Variants in PDGFRA observed in about 807,000 individuals in gnomAD.
The protein encoded by PDGFRA is platelet derived growth factor receptor alpha.
PDGFRA carries 25 observed loss-of-function variants against 121.5 expected under a neutral mutation model. That is an observed-to-expected ratio of 0.21 (90% confidence interval 0.15 to 0.29). The LOEUF (loss-of-function observed/expected upper bound fraction) is 0.29. Ranked by LOEUF, PDGFRA falls within the 10% of genes least tolerant of loss-of-function variation. The pLI is 1.00. For synonymous variants in PDGFRA, 463 were observed against 494.8 expected, an observed-to-expected ratio of 0.94 and a Z score of 0.85; for missense variants, 1,008 against 1,345.1, an observed-to-expected ratio of 0.75 and a Z score of 3.92.
rs34529347 is a variant in PDGFRA, at chr4:54,296,367, G to GTTTTTTTT, written c.*1104_*1111dup. The GTTTTTTTT allele has an allele frequency of 1.5e-5, 3 of 204,278 alleles. No individual in the cohort carries two copies. The highest frequency in any genetic ancestry group is 9.7e-6 in the Non-Finnish European group (1 of 103,046). The allele number at this position is 204,278 out of a possible 1,614,324, so 12.7% of individuals were successfully genotyped here. ...CAGCAAAAAGACTGGATTTGCAGAAGTTTTTTTTTTTTTTTTCTTCATGCC... is the reference window on the plus strand; with the variant it reads ...CAGCAAAAAGACTGGATTTGCAGAAGTTTTTTTTTTTTTTTTTTTTTTTTCTTCATGCC... On this transcript the variant is annotated 3_prime_UTR_variant, in exon 23 of 23. Coordinates refer to ENST00000257290, the MANE Select transcript of PDGFRA (RefSeq NM_006206.6).
At chr4:54,245,490 A>G (rs1426240271) in intron 1 of PDGFRA, among the ~76,000 whole-genome samples, 1 of 152,088 alleles carries the variant, frequency 6.6e-6, no homozygotes, top group Non-Finnish European at 1.5e-5. Flanking sequence ...GAGAAATAAA[A>G]TACTTTACAG....
chr4:54,281,015 T>C (rs140244364), intron 16 of PDGFRA, among the ~76,000 whole-genome samples: 111 of 152,366 alleles, frequency 7.3e-4, no homozygotes, highest in African/African-American at 2.6e-3. Context: ...CTAGAGTAGA[T>C]AATTTGCAGT....
Position 54,264,373 on chromosome 4 carries a change from G to A in PDGFRA, c.628+446G>A, listed in dbSNP as rs969198583. The A allele has an allele frequency of 1.0e-4, 26 of 253,778 alleles. No homozygotes were observed. In the Admixed American group the frequency reaches 1.3e-3, roughly 13 times the overall value. The allele number at this position is 253,778 out of a possible 1,614,324, so 15.7% of individuals were successfully genotyped here. On this transcript the variant is annotated intron_variant, in intron 4 of 22. Coordinates refer to ENST00000257290, the MANE Select transcript of PDGFRA (RefSeq NM_006206.6). The stretch of plus-strand genomic sequence containing the variant: ...TTGGGGAAGTATAATACATGCTGAG[G>A]TCAACAGATATTTCCTGAACACTAT...
Position 54,258,765 on chromosome 4 carries a change from A to T in PDGFRA, c.-4A>T, listed in dbSNP as rs1421749255. 1.3e-5 allele frequency: 21 copies of T among 1,611,072 alleles called. No individual in the cohort carries two copies. Among genetic ancestry groups the T allele is most frequent in the Non-Finnish European group, 1.7e-5 (20 of 1,177,386 alleles). On this transcript the variant is annotated 5_prime_UTR_variant, in exon 2 of 23. Coordinates refer to ENST00000257290, the MANE Select transcript of PDGFRA (RefSeq NM_006206.6). The stretch of plus-strand genomic sequence containing the variant: ...ACTTTTGACTTTTCTAGTTTCCCAG[A>T]GCTATGGGGACTTCCCATCCGGCGT...
At chr4:54,263,950 T>C in intron 4 of PDGFRA, 23 bp downstream of exon 4, 8 of 1,610,148 alleles carry the variant, frequency 5.0e-6, no homozygotes, top group Non-Finnish European at 6.8e-6. Context: ...TCTCCTTCCT[T>C]CTTTAAATAA....
intron 7 of PDGFRA, among the ~76,000 whole-genome samples, chr4:54,268,064 G>C (rs41279519): frequency 0.046 from 7,043 of 152,270 alleles, 228 homozygotes; most frequent in Non-Finnish European, 0.071. Context: ...TATATTCCCT[G>C]ATGTTCATCA....
At chr4:54,278,687 G>A in intron 15 of PDGFRA, 172 bp downstream of exon 15, 2 of 681,278 alleles carry the variant, frequency 2.9e-6, no homozygotes, top group Non-Finnish European at 5.3e-6. Flanking sequence ...GATGCATGAT[G>A]TCTAAAGGTG....
rs1048121554 is a variant in PDGFRA, at chr4:54,295,392, C to T, written c.*120C>T. ...CTTGGTTGATGTTTAAAGAGAAGTTCCCAGCCAAGGGCCTCGGGGAGCGTT... is the reference window on the plus strand; with the variant it reads ...CTTGGTTGATGTTTAAAGAGAAGTTTCCAGCCAAGGGCCTCGGGGAGCGTT... On this transcript the variant is annotated 3_prime_UTR_variant, in exon 23 of 23. Coordinates refer to ENST00000257290, the MANE Select transcript of PDGFRA (RefSeq NM_006206.6). The T allele has an allele frequency of 1.0e-6, 1 of 991,378 alleles. No homozygotes were observed. The highest frequency in any genetic ancestry group is 1.6e-6 in the Non-Finnish European group (1 of 635,788). 61.4% of individuals were successfully genotyped at this position (991,378 alleles called of 1,614,324 possible). A position where few individuals can be genotyped will look rare whatever the true frequency, so the allele number is the denominator to read the frequency against.
chr4:54,282,895 C>T (rs553075193), intron 16 of PDGFRA, among the ~76,000 whole-genome samples: 1 of 152,386 alleles, frequency 6.6e-6, no homozygotes, highest in Non-Finnish European at 1.5e-5. Flanking sequence ...ACAAGCCCCA[C>T]AGAAGTTCAG....
rs1560483946 is a variant in PDGFRA, at chr4:54,278,513, G to C, written c.2154G>C (p.Arg718=). 6.2e-7 allele frequency: 1 copy of C among 1,613,966 alleles called. No individual in the cohort carries two copies. Among genetic ancestry groups the C allele is most frequent in the East Asian group, 2.2e-5 (1 of 44,874 alleles). ...FGLNPADEST[R]SYVILSFENN... ...TGAACCCTGCTGATGAAAGCACACG[G>C]AGGTGGGTGCAAAGAGAGATGTTGC... The change falls in exon 15 of 23, where the codon CGG becomes CGC. Residue 718 remains arginine, a splice_region_variant and synonymous_variant. Coordinates refer to ENST00000257290, the MANE Select transcript of PDGFRA (RefSeq NM_006206.6).
At chr4:54,256,359 C>A (rs1453092895) in intron 1 of PDGFRA, among the ~76,000 whole-genome samples, 1 of 152,020 alleles carries the variant, frequency 6.6e-6, no homozygotes, top group Non-Finnish European at 1.5e-5. Flanking sequence ...TCTCAGCCTC[C>A]TGAGTAGCTG....
intron 8 of PDGFRA, 78 bp from the exon 9 acceptor site, chr4:54,272,316 A>G: frequency 6.6e-7 from 1 of 1,515,282 alleles, no homozygotes; most frequent in Non-Finnish European, 9.1e-7. Context: ...ATGAGTTGTG[A>G]ACTCATATTC....
chr4:54,251,282 T>A (rs563971369), intron 1 of PDGFRA, among the ~76,000 whole-genome samples: 145 of 152,314 alleles, frequency 9.5e-4, no homozygotes, highest in Non-Finnish European at 1.7e-3. Context: ...GCATATCCTT[T>A]CTGTTTTGCT....
At chr4:54,241,306 A>G (rs1721281592) in intron 1 of PDGFRA, among the ~76,000 whole-genome samples, 1 of 152,078 alleles carries the variant, frequency 6.6e-6, no homozygotes, top group Non-Finnish European at 1.5e-5. Context: ...TATTTTTGGT[A>G]AGGAATGTTA....
At position 54,277,622 on chromosome 4, in the gene PDGFRA, C is replaced by T; in HGVS notation, c.1891+130C>T. 5.4e-6 allele frequency: 4 copies of T among 739,750 alleles called. No homozygotes were observed. The South Asian group carries it at 5.9e-5, about 11-fold the overall frequency. 45.8% of individuals were successfully genotyped at this position (739,750 alleles called of 1,614,324 possible). A position where few individuals can be genotyped will look rare whatever the true frequency, so the allele number is the denominator to read the frequency against. Reference sequence around the variant, plus strand: ...GACTAGGTCCTGATTATTTTGACTCCAGGTTTTATGTGTATTTAGATTAGG... The same window carrying T: ...GACTAGGTCCTGATTATTTTGACTCTAGGTTTTATGTGTATTTAGATTAGG... On this transcript the variant is annotated intron_variant, in intron 13 of 22. Transcript: ENST00000257290.
At chr4:54,276,213 C>A (rs919756914) in intron 12 of PDGFRA, among the ~76,000 whole-genome samples, 9 of 152,076 alleles carry the variant, frequency 5.9e-5, no homozygotes, top group African/African-American at 2.2e-4. Context: ...ATCAGCACTC[C>A]CCTTTTCACC....
chr4:54,265,083 C>G (rs1237682967), intron 5 of PDGFRA, 34 bp downstream of exon 5: 1 of 1,609,550 alleles, frequency 6.2e-7, no homozygotes, highest in Non-Finnish European at 8.5e-7. Flanking sequence ...TGGCTTGGAG[C>G]AGAGCAACAG....
chr4:54,296,626 T>G lies in PDGFRA; in HGVS notation c.*1354T>G, dbSNP rs765696628. On this transcript the variant is annotated 3_prime_UTR_variant, in exon 23 of 23. Coordinates refer to ENST00000257290, the MANE Select transcript of PDGFRA (RefSeq NM_006206.6). ...AGGATGACTAGATCCTGGGTTTCCATCCTTGAGATTCTGAAGTATGAAGTC... is the reference window on the plus strand; with the variant it reads ...AGGATGACTAGATCCTGGGTTTCCAGCCTTGAGATTCTGAAGTATGAAGTC... 8.6e-6 allele frequency: 2 copies of G among 232,576 alleles called. No homozygotes were observed. The highest frequency in any genetic ancestry group is 2.2e-5 in the African/African-American group (1 of 45,316). The allele number at this position is 232,576 out of a possible 1,614,324, so 14.4% of individuals were successfully genotyped here.
chr4:54,260,340 G>A (rs534492897), intron 2 of PDGFRA, among the ~76,000 whole-genome samples: 25 of 149,772 alleles, frequency 1.7e-4, no homozygotes, highest in Non-Finnish European at 3.4e-4. Flanking sequence ...CTTGAGCACA[G>A]ATGTGCTTTG....
Sources: allele counts gnomAD v4.1 joint callset (sites outside exome capture counted in the v4.1 genomes callset), GRCh38; gene constraint gnomAD v4.1.1; transcripts MANE v1.5; gene names NCBI Gene and HGNC (gene_info 2026-07-23, HGNC 2026-07-21).